Variants in FXYD4 observed in about 807,000 individuals in gnomAD.
FXYD4 encodes FXYD domain containing ion transport regulator 4, also known as FXYD domain-containing ion transport regulator 4.
Under a neutral mutation model 18.3 loss-of-function variants are expected in FXYD4, and 14 were observed. The ratio of observed to expected loss-of-function variants is 0.77; its 90% CI spans 0.51 to 1.20. The LOEUF is 1.20. Ranked by LOEUF, FXYD4 falls within the 50% of genes most tolerant of loss-of-function variation. The probability of loss-of-function intolerance (pLI) is 0.00; values close to 1 mark genes in which losing one functional copy is unlikely to be tolerated. For missense variants in FXYD4, 99 were observed against 106.1 expected (o/e 0.93, Z 0.29); for synonymous variants, 40 against 40.5 (o/e 0.99, Z 0.04).
In FXYD4 at chr10:43,375,893, G is replaced by A. The variant is rs189850423; in HGVS notation, c.213-139G>A. On this transcript the variant is annotated intron_variant, in intron 7 of 8. Coordinates refer to ENST00000476166, the MANE Select transcript of FXYD4 (RefSeq NM_173160.3). Reference sequence around the variant, plus strand: ...GAAGGGCCCCAGTCAGGAAAGCTCTGACCTCGGTATTGTGGGAAGTGACCA... The same window carrying A: ...GAAGGGCCCCAGTCAGGAAAGCTCTAACCTCGGTATTGTGGGAAGTGACCA... The A allele has an allele frequency of 1.8e-5, 22 of 1,215,590 alleles. No homozygotes were observed. In the African/African-American group the frequency reaches 1.9e-4, roughly 11 times the overall value. 75.3% of individuals were successfully genotyped at this position (1,215,590 alleles called of 1,614,324 possible). A position where few individuals can be genotyped will look rare whatever the true frequency, so the allele number is the denominator to read the frequency against.
intron 2 of FXYD4, 54 bp from the exon 3 acceptor site, chr10:43,373,461 G>A (rs984882807): frequency 1.9e-6 from 1 of 523,742 alleles, no homozygotes; most frequent in Non-Finnish European, 3.4e-6. Context: ...ACTCTGTGCA[G>A]GCACAGTTTT....
intron 3 of FXYD4, 52 bp downstream of exon 3, chr10:43,373,835 G>A (rs753591738): frequency 1.6e-6 from 2 of 1,249,788 alleles, no homozygotes; most frequent in Middle Eastern, 1.9e-4. Flanking sequence ...CACCCACAAA[G>A]GCAGCAAAAG....
chr10:43,374,241 A>G (rs1469073442), intron 3 of FXYD4, among the ~76,000 whole-genome samples: 1 of 152,216 alleles, frequency 6.6e-6, no homozygotes, highest in Non-Finnish European at 1.5e-5. Context: ...GGGCAGAGAC[A>G]TAACAAACCA....
At position 43,376,180 on chromosome 10, in the gene FXYD4, C is replaced by T. The variant is rs768886488; in HGVS notation, c.*14C>T. 5.6e-6 allele frequency: 9 copies of T among 1,613,308 alleles called. No individual in the cohort carries two copies. Among genetic ancestry groups the T allele is most frequent in the Non-Finnish European group, 7.6e-6 (9 of 1,179,872 alleles). ...ACTACTTGCTGAGCACAGGACTGGC[C>T]TCCAGGGATGGCCTGAAGCCTAACA... is the stretch of plus-strand genomic sequence containing the variant. On this transcript the variant is annotated 3_prime_UTR_variant, in exon 9 of 9. Coordinates refer to ENST00000476166, the MANE Select transcript of FXYD4 (RefSeq NM_173160.3).
At chr10:43,372,197 GA>G (rs1315934209) in intron 1 of FXYD4, among the ~76,000 whole-genome samples, 2 of 152,130 alleles carry the variant, frequency 1.3e-5, no homozygotes, top group African/African-American at 4.8e-5. Flanking sequence ...CCTAGCCCAA[GA>G]ACCGATGTTC....
chr10:43,376,123 T>C (rs1564389336), intron 8 of FXYD4, 24 bp from the exon 9 acceptor site: 4 of 1,613,862 alleles, frequency 2.5e-6, no homozygotes, highest in African/African-American at 2.7e-5. Flanking sequence ...CTGTGTCTGA[T>C]GGCCTGCCCG....
At chr10:43,375,361 C>T (rs1268628503) in intron 5 of FXYD4, 138 bp from the exon 6 acceptor site, 10 of 671,480 alleles carry the variant, frequency 1.5e-5, no homozygotes, top group South Asian at 3.4e-5. Flanking sequence ...CCCCACGAGA[C>T]GCAGAATGAT....
intron 4 of FXYD4, 46 bp downstream of exon 4, chr10:43,374,548 C>T (rs750169850): frequency 4.3e-6 from 7 of 1,611,798 alleles, no homozygotes; most frequent in Non-Finnish European, 5.9e-6. Flanking sequence ...CCACATCTCC[C>T]CTCTGACACC....
chr10:43,374,440 C>T (rs1348595565), intron 3 of FXYD4, 30 bp from the exon 4 acceptor site: 5 of 1,612,598 alleles, frequency 3.1e-6, no homozygotes, highest in Non-Finnish European at 4.2e-6. Flanking sequence ...TCATGAATTC[C>T]CACACATTTT....
chr10:43,374,337 G>A (rs970322952), intron 3 of FXYD4, 133 bp from the exon 4 acceptor site: 42 of 831,712 alleles, frequency 5.0e-5, no homozygotes, highest in Middle Eastern at 3.5e-4. Context: ...GTGTGGGGCT[G>A]GGGAGGGCGT....
At chr10:43,375,636 AAG>A in intron 6 of FXYD4, 57 bp from the exon 7 acceptor site, 3 of 1,610,042 alleles carry the variant, frequency 1.9e-6, no homozygotes, top group Admixed American at 3.3e-5. Context: ...GTGGGGCAGA[AAG>A]AGAGAGTGCT....
At chr10:43,373,879 A>C in intron 3 of FXYD4, 96 bp downstream of exon 3, 3 of 834,206 alleles carry the variant, frequency 3.6e-6, no homozygotes, top group Non-Finnish European at 6.4e-6. Context: ...TCTGGTGTTC[A>C]ATCAGCATGC....
Position 43,374,596 on chromosome 10 carries a change from T to C in FXYD4, c.71-17T>C, listed in dbSNP as rs1837845693. ...CCTGGTTCTGGTTCTGAAGTCTTTT[T>C]GCCCCACTTTTTCTAGCCAATAAAG... is the stretch of plus-strand genomic sequence containing the variant. On this transcript the variant is annotated splice_polypyrimidine_tract_variant and intron_variant, in intron 4 of 8. Transcript: ENST00000476166. The C allele has an allele frequency of 6.2e-7, 1 of 1,613,712 alleles. No homozygotes were observed.
Position 43,376,268 on chromosome 10 carries a change from G to T in FXYD4, c.*102G>T. On this transcript the variant is annotated 3_prime_UTR_variant, in exon 9 of 9. Transcript: ENST00000476166. ...CTCAAGGAAGGACTTCTCTCCAAGG[G>T]CAGGCTGTTAGGCCCCTTTCTGATC... is the stretch of plus-strand genomic sequence containing the variant. 1 of 1,331,112 alleles carries T rather than the reference G, an allele frequency of 7.5e-7. No homozygotes were observed. Among genetic ancestry groups the T allele is most frequent in the East Asian group, 2.3e-5 (1 of 43,028 alleles). The allele number at this position is 1,331,112 out of a possible 1,614,324, so 82.5% of individuals were successfully genotyped here.
intron 4 of FXYD4, 24 bp from the exon 5 acceptor site, chr10:43,374,589 G>A (rs755153952): frequency 1.2e-6 from 2 of 1,613,724 alleles, no homozygotes; most frequent in Non-Finnish European, 1.7e-6. Context: ...TGGTTCTGAA[G>A]TCTTTTTGCC....
intron 5 of FXYD4, 140 bp downstream of exon 5, chr10:43,374,779 C>T (rs1486909293): frequency 1.3e-6 from 1 of 781,540 alleles, no homozygotes; most frequent in East Asian, 2.4e-5. Flanking sequence ...GAGAGCGTCG[C>T]TCCAACAAGG....
chr10:43,375,405 C>A, intron 5 of FXYD4, 94 bp from the exon 6 acceptor site: 1 of 891,778 alleles, frequency 1.1e-6, no homozygotes, highest in Non-Finnish European at 1.9e-6. Context: ...ATGTATATGG[C>A]AGCGGCTGGC....
Position 43,374,631 on chromosome 10 carries a change from T to A in FXYD4, c.89T>A (p.Phe30Tyr). ...TTTCTAGCCAATAAAGACGATCCCT[T>A]CTACTATGGTAAGAGCTGATATTCC... ...NDPFANKDDP[F>Y]YYDWKNLQLS... The change falls in exon 5 of 9, where the codon TTC becomes TAC. Residue 30 changes from phenylalanine to tyrosine, a missense_variant. Physicochemically the swap from Phe to Tyr is conservative, Grantham distance 22. Transcript: ENST00000476166. 6.2e-7 allele frequency: 1 copy of A among 1,613,326 alleles called. No homozygotes were observed. The highest frequency in any genetic ancestry group is 1.3e-5 in the African/African-American group (1 of 75,010).
intron 7 of FXYD4, 29 bp from the exon 8 acceptor site, chr10:43,376,003 A>T (rs1588981796): frequency 1.9e-6 from 3 of 1,613,308 alleles, no homozygotes; most frequent in Non-Finnish European, 2.5e-6. Context: ...GGCTAACCTG[A>T]TACTACTCTG....
Sources: allele counts gnomAD v4.1 joint callset (sites outside exome capture counted in the v4.1 genomes callset), GRCh38; gene constraint gnomAD v4.1.1; transcripts MANE v1.5; gene names NCBI Gene and HGNC (gene_info 2026-07-23, HGNC 2026-07-21).